SAMMSON: variants seen among roughly 807,000 people sequenced by gnomAD.
SAMMSON encodes survival associated mitochondrial melanoma specific oncogenic non-coding RNA.
chr3:70,362,484 G>A (rs932000619), intron 9 of SAMMSON, among the ~76,000 whole-genome samples: 1 of 151,968 alleles, frequency 6.6e-6, no homozygotes, highest in Non-Finnish European at 1.5e-5. Context: ...CATACCAATA[G>A]TTTTTAAAGC....
intron 3 of SAMMSON, among the ~76,000 whole-genome samples, chr3:70,064,323 A>G (rs1263264090): frequency 6.6e-6 from 1 of 152,164 alleles, no homozygotes; most frequent in Non-Finnish European, 1.5e-5. Flanking sequence ...ATTCTCAGAA[A>G]TCTGGGACTT....
chr3:70,144,996 C>G (rs2067542097), intron 4 of SAMMSON, among the ~76,000 whole-genome samples: 1 of 152,122 alleles, frequency 6.6e-6, no homozygotes, highest in African/African-American at 2.4e-5. Context: ...CTGTTGCCCA[C>G]CAACTAATTC....
At chr3:70,146,303 C>T (rs2106684213) in intron 4 of SAMMSON, among the ~76,000 whole-genome samples, 1 of 152,014 alleles carries the variant, frequency 6.6e-6, no homozygotes, top group Middle Eastern at 3.4e-3. Context: ...GGAGAAAATA[C>T]CTCCCAACAT....
chr3:70,395,439 A>G (rs899415735), intron 2 of SAMMSON, among the ~76,000 whole-genome samples: 1 of 150,608 alleles, frequency 6.6e-6, no homozygotes, highest in Non-Finnish European at 1.5e-5. Flanking sequence ...AGAAACTGGC[A>G]TTAGCCCAGT....
At chr3:70,253,557 T>C (rs867405230) in intron 6 of SAMMSON, among the ~76,000 whole-genome samples, 1 of 152,156 alleles carries the variant, frequency 6.6e-6, no homozygotes, top group Non-Finnish European at 1.5e-5. Context: ...AGACCTCACC[T>C]ACAACATACA....
At chr3:70,195,888 T>G (rs1246397189) in intron 4 of SAMMSON, among the ~76,000 whole-genome samples, 1 of 152,204 alleles carries the variant, frequency 6.6e-6, no homozygotes, top group Non-Finnish European at 1.5e-5. Context: ...CCAGTCTATA[T>G]CACATCTTTT....
chr3:70,393,343 C>A (rs370563004), downstream of SAMMSON, among the ~76,000 whole-genome samples: 1 of 152,166 alleles, frequency 6.6e-6, no homozygotes, highest in Admixed American at 6.5e-5. Context: ...TAATATGAGA[C>A]AGTATATATA....
intron 7 of SAMMSON, among the ~76,000 whole-genome samples, chr3:70,296,755 A>T (rs1016438105): frequency 6.6e-6 from 1 of 152,034 alleles, no homozygotes; most frequent in African/African-American, 2.4e-5. Flanking sequence ...TGCTTGGGCT[A>T]CTATAAGCCC....
chr3:70,243,475 G>T (rs958130364), intron 4 of SAMMSON, among the ~76,000 whole-genome samples: 1 of 152,126 alleles, frequency 6.6e-6, no homozygotes, highest in African/African-American at 2.4e-5. Flanking sequence ...TCACTGCACT[G>T]CTGCTGAATG....
intron 6 of SAMMSON, among the ~76,000 whole-genome samples, chr3:70,264,418 T>C (rs1701896905): frequency 6.6e-6 from 1 of 152,230 alleles, no homozygotes; most frequent in Non-Finnish European, 1.5e-5. Flanking sequence ...ATCCAATGAC[T>C]GTCTAAGAAC....
chr3:70,116,292 C>CTTTTTTTTTTT (rs57252778), intron 4 of SAMMSON, among the ~76,000 whole-genome samples: 5 of 118,198 alleles, frequency 4.2e-5, no homozygotes, highest in African/African-American at 1.6e-4. Context: ...GCGATGCTTT[C>CTTTTTTTTTTT]TTTTTTTTTT....
intron 9 of SAMMSON, among the ~76,000 whole-genome samples, chr3:70,360,854 A>G (rs1270149824): frequency 6.6e-6 from 1 of 152,162 alleles, no homozygotes; most frequent in Non-Finnish European, 1.5e-5. Context: ...ATTTAGTCTA[A>G]TATAATTCTA....
At chr3:70,315,759 C>T (rs1382587414) in intron 7 of SAMMSON, among the ~76,000 whole-genome samples, 1 of 151,908 alleles carries the variant, frequency 6.6e-6, no homozygotes, top group African/African-American at 2.4e-5. Flanking sequence ...AAAGAGAATC[C>T]AGTCTGATGA....
chr3:70,063,557 C>CT (rs1422595579), intron 3 of SAMMSON, among the ~76,000 whole-genome samples: 1 of 152,110 alleles, frequency 6.6e-6, no homozygotes, highest in Non-Finnish European at 1.5e-5. Flanking sequence ...AGAATTACAT[C>CT]TTTGAGCAGC....
intron 9 of SAMMSON, among the ~76,000 whole-genome samples, chr3:70,373,746 A>G (rs754983675): frequency 6.6e-6 from 1 of 152,020 alleles, no homozygotes; most frequent in Non-Finnish European, 1.5e-5. Context: ...TATAGAGCCT[A>G]TTTACTGAGT....
intron 4 of SAMMSON, among the ~76,000 whole-genome samples, chr3:70,118,566 A>C (rs2067421069): frequency 6.6e-6 from 1 of 152,204 alleles, no homozygotes; most frequent in African/African-American, 2.4e-5. Flanking sequence ...GAGCATGGGA[A>C]AGGCTCTGAG....
intron 4 of SAMMSON, among the ~76,000 whole-genome samples, chr3:70,141,264 C>T (rs2067526524): frequency 6.6e-6 from 1 of 152,144 alleles, no homozygotes; most frequent in Non-Finnish European, 1.5e-5. Context: ...AGTCCCATGA[C>T]CTGCCGTCTG....
At chr3:70,193,075 T>TGA (rs1701143753) in intron 4 of SAMMSON, among the ~76,000 whole-genome samples, 2 of 152,070 alleles carry the variant, frequency 1.3e-5, no homozygotes, top group South Asian at 4.1e-4. Flanking sequence ...GGGAGGGAAT[T>TGA]GAGAACCACT....
intron 6 of SAMMSON, among the ~76,000 whole-genome samples, chr3:70,263,734 G>T (rs1487014414): frequency 1.3e-5 from 2 of 152,016 alleles, no homozygotes; most frequent in Non-Finnish European, 2.9e-5. Context: ...TATCCTCTCT[G>T]CCTCCCCAAA....
Sources: gnomAD v4.1 joint callset for allele counts (sites outside exome capture counted in the v4.1 genomes callset) on GRCh38, gnomAD v4.1.1 for gene constraint, MANE v1.5 for transcripts, NCBI Gene and HGNC (gene_info 2026-07-23, HGNC 2026-07-21) for gene names.